PRKAG2: variants seen among roughly 807,000 people sequenced by gnomAD.
The protein encoded by PRKAG2 is 5'-AMP-activated protein kinase subunit gamma-2.
A neutral mutation model predicts 69.6 loss-of-function variants in PRKAG2; 26 were observed. The observed-to-expected ratio is 0.37, with a 90% CI of 0.27 to 0.52. PRKAG2 has a LOEUF of 0.52. Ranked by LOEUF, PRKAG2 falls within the 20% of genes least tolerant of loss-of-function variation. The pLI, the probability that PRKAG2 is intolerant of heterozygous loss-of-function variation, is 0.90. For missense variants in PRKAG2, 557 were observed against 740.0 expected (o/e 0.75, Z 2.87); for synonymous variants, 293 against 285.0 (o/e 1.03, Z -0.28).
intron 1 of PRKAG2, among the ~76,000 whole-genome samples, chr7:151,867,092 T>C (rs1444960454): frequency 6.6e-6 from 1 of 152,118 alleles, no homozygotes; most frequent in Non-Finnish European, 1.5e-5. Context: ...GAAGGGAGTG[T>C]CAAAGTGCTG....
At chr7:151,845,958 C>G (rs1171236668) in intron 1 of PRKAG2, among the ~76,000 whole-genome samples, 3 of 152,190 alleles carry the variant, frequency 2.0e-5, no homozygotes, top group African/African-American at 7.2e-5. Flanking sequence ...GTGCTGTCCT[C>G]AGATCGGGGG....
At chr7:151,617,290 G>GC (rs1820402234) in intron 5 of PRKAG2, among the ~76,000 whole-genome samples, 1 of 87,138 alleles carries the variant, frequency 1.1e-5, no homozygotes. Flanking sequence ...GAAAGAGGGA[G>GC]GGGGGGAGGG....
chr7:151,817,456 C>T (rs933952809), intron 1 of PRKAG2, among the ~76,000 whole-genome samples: 1 of 152,194 alleles, frequency 6.6e-6, no homozygotes, highest in African/African-American at 2.4e-5. Context: ...GAACAAACCC[C>T]ACTTCTTCAG....
At chr7:151,669,681 C>A (rs941228565) in intron 4 of PRKAG2, among the ~76,000 whole-genome samples, 3 of 145,508 alleles carry the variant, frequency 2.1e-5, no homozygotes, top group Non-Finnish European at 4.6e-5. Context: ...CCTTTGGGCA[C>A]CTCGACTTAA....
At chr7:151,728,013 C>T (rs1798281735) in intron 3 of PRKAG2, among the ~76,000 whole-genome samples, 1 of 152,198 alleles carries the variant, frequency 6.6e-6, no homozygotes, top group African/African-American at 2.4e-5. Flanking sequence ...TTCCAGAGGC[C>T]ACTGCGCTGC....
intron 3 of PRKAG2, among the ~76,000 whole-genome samples, chr7:151,764,786 G>A (rs1274826249): frequency 6.6e-6 from 1 of 152,222 alleles, no homozygotes; most frequent in Non-Finnish European, 1.5e-5. Context: ...GTGGGGGCAG[G>A]GCCAGCAGGT....
At chr7:151,736,309 G>T in intron 3 of PRKAG2, 1 of 1,197,100 alleles carries the variant, frequency 8.4e-7, no homozygotes, top group East Asian at 3.9e-5. Flanking sequence ...AGAAGCTGCC[G>T]GAAGCGCAAA....
intron 4 of PRKAG2, among the ~76,000 whole-genome samples, chr7:151,633,396 G>T (rs1370899994): frequency 6.6e-6 from 1 of 151,954 alleles, no homozygotes; most frequent in Non-Finnish European, 1.5e-5. Context: ...CATGGTTCTA[G>T]AAGTACTAGG....
intron 5 of PRKAG2, among the ~76,000 whole-genome samples, chr7:151,602,965 A>G (rs1221610282): frequency 6.6e-6 from 1 of 152,226 alleles, no homozygotes; most frequent in Non-Finnish European, 1.5e-5. Context: ...CTGTGAGTCA[A>G]TTAAACCGCT....
At chr7:151,791,795 C>CA (rs1217086387) in intron 1 of PRKAG2, among the ~76,000 whole-genome samples, 1 of 152,136 alleles carries the variant, frequency 6.6e-6, no homozygotes, top group Non-Finnish European at 1.5e-5. Flanking sequence ...AAGTCTATCA[C>CA]AAAAAAAGTG....
intron 1 of PRKAG2, among the ~76,000 whole-genome samples, chr7:151,825,889 T>G (rs1586674658): frequency 2.0e-5 from 3 of 152,210 alleles, no homozygotes; most frequent in African/African-American, 7.2e-5. Context: ...CTGGCCCCAA[T>G]TGCCTCCAAA....
chr7:151,842,393 T>G (rs1586705348), intron 1 of PRKAG2, among the ~76,000 whole-genome samples: 1 of 136,420 alleles, frequency 7.3e-6, no homozygotes, highest in South Asian at 2.5e-4. Context: ...GGGATGGTAG[T>G]GATGGTAGGT....
intron 3 of PRKAG2, among the ~76,000 whole-genome samples, chr7:151,688,042 G>GCCCCCCCCCCCCCCCCCCCCC (rs61417635): frequency 9.3e-6 from 1 of 106,980 alleles, no homozygotes; most frequent in Non-Finnish European, 2.0e-5. Flanking sequence ...AGGAAATGAG[G>GCCCCCCCCCCCCCCCCCCCCC]CCCCCCCCCG....
intron 1 of PRKAG2, among the ~76,000 whole-genome samples, chr7:151,801,649 T>C (rs2077845058): frequency 6.6e-6 from 1 of 152,236 alleles, no homozygotes; most frequent in Admixed American, 6.5e-5. Context: ...GGGAATTTGC[T>C]AGGTTTTCTT....
At chr7:151,574,344 C>T (rs936857834) in intron 8 of PRKAG2, among the ~76,000 whole-genome samples, 6 of 152,190 alleles carry the variant, frequency 3.9e-5, no homozygotes, top group African/African-American at 9.6e-5. Context: ...TTTTAAGCTA[C>T]GCTCTTTCCA....
intron 1 of PRKAG2, among the ~76,000 whole-genome samples, chr7:151,815,083 C>T (rs1214997460): frequency 6.6e-6 from 1 of 152,180 alleles, no homozygotes; most frequent in East Asian, 1.9e-4. Flanking sequence ...GGATTCCTGT[C>T]CTTGGAGCAC....
intron 3 of PRKAG2, among the ~76,000 whole-genome samples, chr7:151,683,169 C>T (rs894724078): frequency 5.9e-5 from 9 of 152,232 alleles, no homozygotes; most frequent in African/African-American, 2.2e-4. Flanking sequence ...CAGAACACCA[C>T]GAAAGGGGGT....
intron 1 of PRKAG2, among the ~76,000 whole-genome samples, chr7:151,792,177 G>A (rs1230223259): frequency 6.6e-6 from 1 of 152,166 alleles, no homozygotes; most frequent in African/African-American, 2.4e-5. Flanking sequence ...TGTGACCTCA[G>A]GGGAAGGAAG....
rs1338523761 is a variant in PRKAG2, at chr7:151,632,128, G to A, written c.695C>T (p.Ala232Val). The A allele has an allele frequency of 4.3e-6, 6 of 1,403,882 alleles. 1 individual carries two copies. The South Asian group carries it at 7.1e-5, about 17-fold the overall frequency. 87.0% of individuals were successfully genotyped at this position (1,403,882 alleles called of 1,614,324 possible). A position where few individuals can be genotyped will look rare whatever the true frequency, so the allele number is the denominator to read the frequency against. ...GGCTTCCGCGGGTCCCAGGGCCGCC[G>A]CCAGCGCCGCCTGAGGGGGAGGAGG... ...HYAPSKAAALAAALGPAEAGM... is the reference protein window; with the variant it reads ...HYAPSKAAALVAALGPAEAGM... Residue 232 changes from alanine (A) to valine (V), a missense_variant, in exon 5 of 16, where the codon GCG (alanine) becomes GTG (valine). Ala to Val is a moderately conservative substitution (Grantham distance 64). Transcript: ENST00000287878. The surrounding 1 kb of genome is among the most constrained non-coding windows in gnomAD (Gnocchi z 4.2).
Sources: gnomAD v4.1 joint callset for allele counts (sites outside exome capture counted in the v4.1 genomes callset) on GRCh38, gnomAD v4.1.1 for gene constraint, Gnocchi (gnomAD v3.1) non-coding constraint, MANE v1.5 for transcripts, NCBI Gene and HGNC (gene_info 2026-07-23, HGNC 2026-07-21) for gene names.